COL5A2: variants seen among roughly 807,000 people sequenced by gnomAD.
The protein encoded by COL5A2 is collagen alpha-2(V) chain.
COL5A2 carries 23 observed loss-of-function variants against 208.2 expected under a neutral mutation model. The ratio of observed to expected loss-of-function variants is 0.11; its 90% CI spans 0.08 to 0.16. The LOEUF is 0.16. COL5A2 is among the 10% of genes least tolerant of loss of function. COL5A2 has a pLI of 1.00. For synonymous variants in COL5A2, 625 were observed against 628.5 expected (o/e 0.99, Z 0.08); for missense variants, 1,590 against 1,956.4 (o/e 0.81, Z 3.53).
chr2:189,063,950 TG>T, intron 26 of COL5A2, 29 bp downstream of exon 26: 1 of 1,572,406 alleles, frequency 6.4e-7, no homozygotes, highest in Non-Finnish European at 8.7e-7. Context: ...AAAATATTAG[TG>T]GTTGTGGACT....
At chr2:189,118,590 A>G (rs1191802229) in intron 1 of COL5A2, among the ~76,000 whole-genome samples, 2 of 152,084 alleles carry the variant, frequency 1.3e-5, no homozygotes, top group African/African-American at 4.8e-5. Flanking sequence ...CTTTGATCCC[A>G]TTCATTTCAG....
chr2:189,339,304 C>T, the COL5A2 span, among the ~76,000 whole-genome samples: 5,507 of 150,282 alleles, frequency 0.037, 118 homozygotes, highest in Admixed American at 0.05. Context: ...TGAGCTGAGA[C>T]TGCGCCACTG....
At chr2:189,039,642 G>A in intron 50 of COL5A2, 79 bp from the exon 51 acceptor site, 1 of 1,382,828 alleles carries the variant, frequency 7.2e-7, no homozygotes, top group African/African-American at 1.4e-5. Flanking sequence ...TTCATAGGGA[G>A]TTCCAATGAG....
intron 50 of COL5A2, 34 bp downstream of exon 50, chr2:189,041,552 A>G (rs775322791): frequency 2.0e-6 from 3 of 1,472,158 alleles, no homozygotes; most frequent in African/African-American, 1.4e-5. Flanking sequence ...TTGAATAAAT[A>G]GCATTTCTTG....
the COL5A2 span, among the ~76,000 whole-genome samples, chr2:189,430,067 A>G: frequency 1.8e-3 from 278 of 152,330 alleles, 4 homozygotes; most frequent in Non-Finnish European, 1.2e-3. Context: ...TTGCTCTCAA[A>G]GAAGTAAAAC....
the COL5A2 span, among the ~76,000 whole-genome samples, chr2:189,350,515 C>A: frequency 6.6e-6 from 1 of 152,112 alleles, no homozygotes; most frequent in Admixed American, 6.6e-5. Flanking sequence ...CCCTACTATT[C>A]CAAGCCAATA....
intron 1 of COL5A2, among the ~76,000 whole-genome samples, chr2:189,152,143 C>A (rs559925312): frequency 1.3e-5 from 2 of 152,200 alleles, no homozygotes; most frequent in Non-Finnish European, 2.9e-5. Context: ...AATCCTTACA[C>A]ACTGCAAAGT....
At chr2:189,180,720 G>T (rs767951781), upstream of COL5A2, among the ~76,000 whole-genome samples, 4 of 152,226 alleles carry the variant, frequency 2.6e-5, no homozygotes, top group Non-Finnish European at 5.9e-5. Flanking sequence ...CATAAAAGCA[G>T]ATGGTGGTAT....
chr2:189,171,174 T>C (rs1688566403), intron 1 of COL5A2, among the ~76,000 whole-genome samples: 1 of 151,898 alleles, frequency 6.6e-6, no homozygotes, highest in African/African-American at 2.4e-5. Context: ...ATTCCTTATT[T>C]TGAGGCTGAG....
chr2:189,079,942 C>T, intron 14 of COL5A2, 36 bp downstream of exon 14: 2 of 1,579,486 alleles, frequency 1.3e-6, no homozygotes, highest in South Asian at 2.2e-5. Context: ...ACTAAGATGC[C>T]AAAGTGAGGT....
chr2:189,320,766 C>T, the COL5A2 span, among the ~76,000 whole-genome samples: 27 of 152,162 alleles, frequency 1.8e-4, 2 homozygotes, highest in Non-Finnish European at 5.9e-5. Flanking sequence ...AGGAGAACTT[C>T]CCCAACCTAG....
intron 1 of COL5A2, among the ~76,000 whole-genome samples, chr2:189,132,674 A>T (rs1192085896): frequency 2.0e-5 from 3 of 152,182 alleles, no homozygotes; most frequent in Non-Finnish European, 4.4e-5. Flanking sequence ...TAATCCCAGC[A>T]CTTTGGAAAG....
At chr2:189,129,376 T>C (rs1229053974) in intron 1 of COL5A2, among the ~76,000 whole-genome samples, 1 of 152,034 alleles carries the variant, frequency 6.6e-6, no homozygotes. Flanking sequence ...TGTTTTTCAA[T>C]ATGAAATATG....
intron 1 of COL5A2, among the ~76,000 whole-genome samples, chr2:189,177,525 C>T (rs753819232): frequency 4.7e-4 from 72 of 152,150 alleles, no homozygotes; most frequent in Non-Finnish European, 6.8e-4. Context: ...CTTTCTTTTG[C>T]TGTTGAATTT....
chr2:189,219,600 T>G (rs1188701754), intron 1 of COL5A2, among the ~76,000 whole-genome samples: 1 of 152,112 alleles, frequency 6.6e-6, no homozygotes, highest in Non-Finnish European at 1.5e-5. Context: ...ATAAAACACT[T>G]GGAAATAACT....
At chr2:189,258,541 T>A in the COL5A2 span, among the ~76,000 whole-genome samples, 1 of 152,214 alleles carries the variant, frequency 6.6e-6, no homozygotes, top group East Asian at 1.9e-4. Flanking sequence ...GTTCTACTTT[T>A]GCTTAACATG....
chr2:189,260,803 GA>G, the COL5A2 span, among the ~76,000 whole-genome samples: 1 of 152,132 alleles, frequency 6.6e-6, no homozygotes, highest in Admixed American at 6.6e-5. Flanking sequence ...TATATAAAAG[GA>G]AAATCTTCCA....
At chr2:189,296,966 C>T in the COL5A2 span, among the ~76,000 whole-genome samples, 2 of 152,136 alleles carry the variant, frequency 1.3e-5, no homozygotes, top group South Asian at 2.1e-4. Flanking sequence ...CTGGGAGCCC[C>T]CATCCTCTGC....
chr2:189,123,569 G>C (rs1401656872), intron 1 of COL5A2, among the ~76,000 whole-genome samples: 1 of 152,056 alleles, frequency 6.6e-6, no homozygotes, highest in Non-Finnish European at 1.5e-5. Flanking sequence ...CCCAGTTTGT[G>C]GTACTTTGTT....
Sources: gnomAD v4.1 joint callset for allele counts (sites outside exome capture counted in the v4.1 genomes callset) on GRCh38, gnomAD v4.1.1 for gene constraint, MANE v1.5 for transcripts, NCBI Gene and HGNC (gene_info 2026-07-23, HGNC 2026-07-21) for gene names.